The following ADAMTS6 variants were observed in gnomAD, a reference collection of about 807,000 sequenced individuals.
The protein encoded by ADAMTS6 is A disintegrin and metalloproteinase with thrombospondin motifs 6.
In ADAMTS6, 23 loss-of-function variants were observed where a neutral mutation model predicts 144.3. The observed-to-expected ratio is 0.16, with a 90% CI of 0.11 to 0.23. ADAMTS6 has a LOEUF of 0.23. Ranked by LOEUF, ADAMTS6 falls within the 10% of genes least tolerant of loss-of-function variation. ADAMTS6 has a pLI of 1.00. For synonymous variants in ADAMTS6, 444 were observed against 457.5 expected (o/e 0.97, Z 0.38); for missense variants, 999 against 1,379.6 (o/e 0.72, Z 4.37).
At chr5:65,192,884 T>A (rs981964527) in intron 21 of ADAMTS6, among the ~76,000 whole-genome samples, 2 of 151,980 alleles carry the variant, frequency 1.3e-5, no homozygotes, top group Non-Finnish European at 2.9e-5. Flanking sequence ...CCTCCGTCAT[T>A]TTCTCTATAA....
intron 7 of ADAMTS6, among the ~76,000 whole-genome samples, chr5:65,372,233 C>T (rs1405218549): frequency 2.0e-5 from 3 of 146,692 alleles, no homozygotes; most frequent in South Asian, 4.2e-4. Flanking sequence ...ATCATAATGA[C>T]AAGATCAAAT....
At chr5:65,275,700 T>C (rs1332409056) in intron 11 of ADAMTS6, among the ~76,000 whole-genome samples, 1 of 151,718 alleles carries the variant, frequency 6.6e-6, no homozygotes, top group Non-Finnish European at 1.5e-5. Context: ...AAAATAAAAA[T>C]AAAATAAATA....
At chr5:65,171,598 G>C (rs1312010803) in intron 23 of ADAMTS6, among the ~76,000 whole-genome samples, 1 of 152,102 alleles carries the variant, frequency 6.6e-6, no homozygotes, top group Non-Finnish European at 1.5e-5. Flanking sequence ...ATTTATTATA[G>C]GTGTGCAGGT....
intron 7 of ADAMTS6, among the ~76,000 whole-genome samples, chr5:65,409,169 C>T (rs1490869092): frequency 3.3e-5 from 5 of 151,888 alleles, no homozygotes; most frequent in African/African-American, 9.7e-5. Flanking sequence ...CTGAAGGAGA[C>T]AGAGACATAA....
At chr5:65,298,514 A>T (rs1437625485) in intron 10 of ADAMTS6, among the ~76,000 whole-genome samples, 1 of 152,140 alleles carries the variant, frequency 6.6e-6, no homozygotes, top group Non-Finnish European at 1.5e-5. Context: ...TAGGTAAATG[A>T]TCTCATTAAA....
chr5:65,197,710 T>C (rs928949011), intron 20 of ADAMTS6, among the ~76,000 whole-genome samples: 3 of 152,232 alleles, frequency 2.0e-5, no homozygotes, highest in African/African-American at 7.2e-5. Flanking sequence ...AATTAGAGAT[T>C]GCAGTGGGCC....
At chr5:65,192,638 A>G (rs1047370806) in intron 21 of ADAMTS6, among the ~76,000 whole-genome samples, 28 of 136,276 alleles carry the variant, frequency 2.1e-4, no homozygotes. Context: ...ATATCCTTTA[A>G]TATTAATTCC....
intron 14 of ADAMTS6, among the ~76,000 whole-genome samples, chr5:65,254,407 A>G (rs1760477762): frequency 6.6e-6 from 1 of 152,192 alleles, no homozygotes; most frequent in Non-Finnish European, 1.5e-5. Flanking sequence ...AAATGCTAGC[A>G]CAATATTTTA....
At chr5:65,375,069 G>T (rs1057302710) in intron 7 of ADAMTS6, among the ~76,000 whole-genome samples, 1 of 152,192 alleles carries the variant, frequency 6.6e-6, no homozygotes, top group African/African-American at 2.4e-5. Context: ...GTAGAAAGCT[G>T]AAACTGGATC....
intron 7 of ADAMTS6, among the ~76,000 whole-genome samples, chr5:65,446,627 A>T (rs1029589054): frequency 7.2e-5 from 11 of 152,186 alleles, no homozygotes; most frequent in Admixed American, 2.6e-4. Flanking sequence ...GGCCAATAAG[A>T]GGAATGAAGT....
chr5:65,411,814 G>A (rs1211405349), intron 7 of ADAMTS6, among the ~76,000 whole-genome samples: 1 of 152,066 alleles, frequency 6.6e-6, no homozygotes, highest in East Asian at 1.9e-4. Flanking sequence ...TTTGTAAAAG[G>A]CTGACACAAA....
In ADAMTS6 at chr5:65,433,264, G is replaced by A. The variant is rs116624863; in HGVS notation, c.1073+18211C>T. On this transcript the variant is annotated intron_variant, in intron 7 of 24. Transcript: ENST00000381055. ...TGTGACTAACACACAGTTAATAATA[G>A]CTCCAAATTATTAATATGCCTCCTT... 2.5e-3 allele frequency among the ~76,000 whole-genome samples: 380 copies of A among 152,068 alleles called. 4 individuals carry two copies. The highest frequency in any genetic ancestry group is 8.9e-3 in the African/African-American group (368 of 41,492).
rs182038951 is a variant in ADAMTS6 at position 65,458,472 on chromosome 5, C to G, written c.631+1698G>C. Among the ~76,000 whole-genome samples the G allele has an allele frequency of 1.4e-4, 21 of 152,274 alleles. No individual in the cohort carries two copies. In the East Asian group the frequency reaches 4.1e-3, roughly 29 times the overall value. On this transcript the variant is annotated intron_variant, in intron 4 of 24. Coordinates refer to ENST00000381055, the MANE Select transcript of ADAMTS6 (RefSeq NM_197941.4). ...TGTCACCCTGGCTGGAGTGCAGTGG[C>G]ACAATCTGTGCTCACTGCAACCTCC...
chr5:65,187,495 T>C (rs1429596830), intron 22 of ADAMTS6, among the ~76,000 whole-genome samples: 2 of 152,164 alleles, frequency 1.3e-5, no homozygotes, highest in Admixed American at 6.5e-5. Context: ...AATATATAGA[T>C]AGGTCGTAAG....
At chr5:65,345,787 A>T (rs1748262829) in intron 7 of ADAMTS6, among the ~76,000 whole-genome samples, 1 of 151,666 alleles carries the variant, frequency 6.6e-6, no homozygotes, top group African/African-American at 2.4e-5. Flanking sequence ...GTGTAGCTGT[A>T]TTTGTCCTTT....
At chr5:65,239,636 A>G (rs768099093) in intron 15 of ADAMTS6, among the ~76,000 whole-genome samples, 15 of 152,218 alleles carry the variant, frequency 9.9e-5, no homozygotes, top group Non-Finnish European at 2.2e-4. Context: ...AGAATGTGAC[A>G]AAACATTTGT....
At chr5:65,279,976 AC>A (rs1762866085) in intron 11 of ADAMTS6, among the ~76,000 whole-genome samples, 1 of 152,174 alleles carries the variant, frequency 6.6e-6, no homozygotes, top group African/African-American at 2.4e-5. Flanking sequence ...GTAGAAGTGC[AC>A]CTTCATTTAT....
intron 20 of ADAMTS6, chr5:65,198,657 T>C (rs1323140564): frequency 6.0e-6 from 1 of 167,100 alleles, no homozygotes. Flanking sequence ...TTGCTTGCAC[T>C]GACCCAGGGC....
intron 20 of ADAMTS6, among the ~76,000 whole-genome samples, chr5:65,204,443 C>T (rs1213705639): frequency 6.6e-6 from 1 of 152,132 alleles, no homozygotes; most frequent in Non-Finnish European, 1.5e-5. Context: ...TTAATGATTA[C>T]AGAGCCTAGG....
Sources: gnomAD v4.1 joint callset for allele counts (sites outside exome capture counted in the v4.1 genomes callset) on GRCh38, gnomAD v4.1.1 for gene constraint, MANE v1.5 for transcripts, NCBI Gene and HGNC (gene_info 2026-07-23, HGNC 2026-07-21) for gene names.